Variants in KCTD14 observed in about 807,000 individuals in gnomAD.
KCTD14 encodes BTB/POZ domain-containing protein KCTD14.
Under a neutral mutation model 5.9 loss-of-function variants are expected in KCTD14, and 7 were observed. That is an observed-to-expected ratio of 1.19 (90% CI 0.68 to 2.23). The LOEUF (loss-of-function observed/expected upper bound fraction) is 2.23, where lower values mean the gene tolerates loss of function less well. KCTD14 is among the 30% of genes most tolerant of loss of function. The pLI is 0.00. For synonymous variants in KCTD14, 140 were observed against 133.1 expected, an observed-to-expected ratio of 1.05 and a Z score of -0.36; for missense variants, 342 against 332.2, an observed-to-expected ratio of 1.03 and a Z score of -0.23.
chr11:78,044,485 T>C (rs1488541665), intron 1 of KCTD14, among the ~76,000 whole-genome samples: 1 of 152,058 alleles, frequency 6.6e-6, no homozygotes, highest in African/African-American at 2.4e-5. Flanking sequence ...TAACCCCCAG[T>C]AGGTTCTTCC....
chr11:78,046,083 T>A, exon 1 of KCTD14: 1 of 985,052 alleles, frequency 1.0e-6, no homozygotes, highest in Non-Finnish European at 1.2e-6. Flanking sequence ...CGGGGAGGAC[T>A]CCGAGAAAAG....
chr11:78,019,960 T>C (rs909959746), intron 1 of KCTD14, among the ~76,000 whole-genome samples: 6 of 152,188 alleles, frequency 3.9e-5, no homozygotes, highest in African/African-American at 1.4e-4. Flanking sequence ...TTCATTCCCT[T>C]AGTGACTCAT....
chr11:78,024,101 G>A (rs978298910), upstream of KCTD14, among the ~76,000 whole-genome samples: 9 of 152,030 alleles, frequency 5.9e-5, no homozygotes, highest in African/African-American at 2.2e-4. Context: ...ATATTTTGTT[G>A]GGGACAGGCA....
At chr11:78,037,783 C>T (rs1370225782) in intron 2 of KCTD14, among the ~76,000 whole-genome samples, 1 of 152,018 alleles carries the variant, frequency 6.6e-6, no homozygotes, top group African/African-American at 2.4e-5. Context: ...CGCGCCACTG[C>T]ACTCCAGCCT....
chr11:78,025,144 A>ATATG (rs1857431848), upstream of KCTD14, among the ~76,000 whole-genome samples: 1 of 125,274 alleles, frequency 8.0e-6, no homozygotes, highest in Non-Finnish European at 1.6e-5. Flanking sequence ...ATATATATAT[A>ATATG]TATATATATA....
chr11:78,033,155 T>G (rs1857677319), intron 2 of KCTD14, among the ~76,000 whole-genome samples: 1 of 152,216 alleles, frequency 6.6e-6, no homozygotes, highest in Non-Finnish European at 1.5e-5. Context: ...TTGAAAGGCA[T>G]GAGGTACCAT....
At chr11:78,025,155 T>TAA (rs1555053061), upstream of KCTD14, among the ~76,000 whole-genome samples, 17 of 132,420 alleles carry the variant, frequency 1.3e-4, no homozygotes, top group South Asian at 2.2e-3. Context: ...TATATATATA[T>TAA]AAAGGGGAGT....
At chr11:78,026,442 C>CA (rs1215959531), upstream of KCTD14, among the ~76,000 whole-genome samples, 4 of 145,858 alleles carry the variant, frequency 2.7e-5, no homozygotes, top group Non-Finnish European at 4.5e-5. Context: ...GACTCCATCT[C>CA]AAAAAAAAGA....
intron 1 of KCTD14, among the ~76,000 whole-genome samples, chr11:78,019,073 G>C (rs1857247319): frequency 6.7e-6 from 1 of 148,562 alleles, no homozygotes; most frequent in African/African-American, 2.5e-5. Flanking sequence ...GCCCAGGCTA[G>C]AGTGCAGTGA....
intron 1 of KCTD14, 172 bp downstream of exon 1, chr11:78,022,988 G>T: frequency 1.7e-6 from 1 of 575,432 alleles, no homozygotes; most frequent in Non-Finnish European, 3.1e-6. Context: ...CAGCAGGAGG[G>T]ACGGCAAAGA....
At chr11:78,036,938 A>C (rs1191297376) in intron 2 of KCTD14, among the ~76,000 whole-genome samples, 2 of 152,226 alleles carry the variant, frequency 1.3e-5, no homozygotes, top group Non-Finnish European at 2.9e-5. Context: ...GGCATTTTAC[A>C]CAGTTTGTCT....
chr11:78,016,675 A>G lies in KCTD14; in HGVS notation c.686T>C (p.Phe229Ser). The change falls in exon 2 of 2, where the codon TTC becomes TCC. Residue 229 changes from phenylalanine to serine, a missense_variant. Phe to Ser is a radical substitution (Grantham distance 155). Coordinates refer to ENST00000353172, the MANE Select transcript of KCTD14 (RefSeq NM_023930.4). Reference protein sequence around the residue: ...MDIKAQGYKVFSKFYLTYPTK... With the variant: ...MDIKAQGYKVSSKFYLTYPTK... ...GGGGTACGTCAGGTAGAACTTGGAG[A>G]ATACCTTGTACCCCTGGGCCTTAAT... 3 of 1,614,130 alleles carry G rather than the reference A, an allele frequency of 1.9e-6. No homozygotes were observed. Among genetic ancestry groups the G allele is most frequent in the South Asian group, 1.1e-5 (1 of 91,082 alleles).
At chr11:78,041,076 C>T (rs910609011) in intron 1 of KCTD14, among the ~76,000 whole-genome samples, 1 of 152,164 alleles carries the variant, frequency 6.6e-6, no homozygotes, top group African/African-American at 2.4e-5. Context: ...CCCAGGCACT[C>T]TGGGCTTCAA....
At chr11:78,024,990 C>T (rs1314449962), upstream of KCTD14, among the ~76,000 whole-genome samples, 2 of 141,640 alleles carry the variant, frequency 1.4e-5, no homozygotes, top group African/African-American at 5.2e-5. Flanking sequence ...TATATACATA[C>T]ACATATATTT....
At chr11:78,023,278 C>G, upstream of KCTD14, 1 of 1,604,174 alleles carries the variant, frequency 6.2e-7, no homozygotes, top group Non-Finnish European at 8.5e-7. Context: ...CGGAAGTGCC[C>G]CTGGCTGCCC....
chr11:78,017,543 A>C (rs1210832549), intron 1 of KCTD14, among the ~76,000 whole-genome samples: 1 of 150,670 alleles, frequency 6.6e-6, no homozygotes, highest in East Asian at 2.0e-4. Flanking sequence ...CACCTCGATT[A>C]AAGCAACTCT....
intron 1 of KCTD14, among the ~76,000 whole-genome samples, chr11:78,043,916 T>C (rs1286922794): frequency 2.6e-5 from 4 of 152,198 alleles, no homozygotes; most frequent in Admixed American, 6.5e-5. Context: ...GACTTTCCAG[T>C]AGGCTCAGAA....
intron 1 of KCTD14, among the ~76,000 whole-genome samples, chr11:78,045,704 G>T (rs748563798): frequency 3.9e-5 from 6 of 152,182 alleles, no homozygotes; most frequent in Admixed American, 2.0e-4. Context: ...TTTTCTCACT[G>T]TTATAGTTTT....
chr11:78,035,842 C>T (rs1397163255), intron 2 of KCTD14, among the ~76,000 whole-genome samples: 2 of 24,654 alleles, frequency 8.1e-5, no homozygotes, highest in Non-Finnish European at 1.6e-4. Flanking sequence ...GAGACTCCAT[C>T]TCAAAAAAAA....
Sources: allele counts gnomAD v4.1 joint callset (sites outside exome capture counted in the v4.1 genomes callset), GRCh38; gene constraint gnomAD v4.1.1; transcripts MANE v1.5; gene names NCBI Gene and HGNC (gene_info 2026-07-23, HGNC 2026-07-21).